Variants in GPR108 observed in about 807,000 individuals in gnomAD.
The protein encoded by GPR108 is G protein-coupled receptor 108.
In GPR108, 60 loss-of-function variants were observed where a neutral mutation model predicts 74.3. The ratio of observed to expected loss-of-function variants is 0.81; its 90% confidence interval spans 0.66 to 1.00. GPR108 has a LOEUF of 1.00. GPR108 is among the 50% of genes least tolerant of loss of function. GPR108 has a pLI of 0.00. For missense variants in GPR108, 667 were observed against 703.3 expected, an observed-to-expected ratio of 0.95 and a Z score of 0.58; for synonymous variants, 311 against 292.4, an observed-to-expected ratio of 1.06 and a Z score of -0.65.
In GPR108 at chr19:6,733,344, G is replaced by A. The variant is rs775239936; in HGVS notation, c.724-43C>T. 8.8e-6 allele frequency: 14 copies of A among 1,591,928 alleles called. 1 individual carries two copies. In the East Asian group the frequency reaches 1.6e-4, roughly 18 times the overall value. On this transcript the variant is annotated intron_variant, in intron 8 of 17. Coordinates refer to ENST00000264080, the MANE Select transcript of GPR108 (RefSeq NM_001080452.2). ...GTGGGCGGCGGCAGGGGCACAGCCC[G>A]ACCGCTGGCCTGGGAGAGCAGCGAG...
In GPR108 at chr19:6,731,266, T is replaced by C. The variant is rs1568235952; in HGVS notation, c.1367A>G (p.Tyr456Cys). 3.2e-6 allele frequency: 5 copies of C among 1,551,052 alleles called. No individual in the cohort carries two copies. Among genetic ancestry groups the C allele is most frequent in the African/African-American group, 1.4e-5 (1 of 73,084 alleles). Residue 456 changes from tyrosine to cysteine, a missense_variant, in exon 16 of 18, where the codon TAC becomes TGC. Physicochemically the swap from Tyr to Cys is radical, Grantham distance 194. Coordinates refer to ENST00000264080, the MANE Select transcript of GPR108 (RefSeq NM_001080452.2). ...HYYVMVICYV[Y>C]FTRIIAILLQ... ...CAGGATGGCGATGATGCGGGTGAAG[T>C]AGACGTAGCAGATGACCTGCAGGGG...
In GPR108 at chr19:6,732,128, T is replaced by C; in HGVS notation, c.1153A>G (p.Ile385Val). Residue 385 changes from isoleucine to valine, a missense_variant, in exon 13 of 18, where the codon ATC becomes GTC. Coordinates refer to ENST00000264080, the MANE Select transcript of GPR108 (RefSeq NM_001080452.2). Reference protein sequence around the residue: ...QVLANVAYIIIESREEGASDY... With the variant: ...QVLANVAYIIVESREEGASDY... ...CTGGCGCCTTCCTCGCGGGACTCGA[T>C]GATGATGTAGGCCACGTTGGCCAGG... 9 of 1,613,568 alleles carry C rather than the reference T, an allele frequency of 5.6e-6. No homozygotes were observed. The highest frequency in any genetic ancestry group is 7.6e-6 in the Non-Finnish European group (9 of 1,179,936).
rs778622249 is a variant in GPR108 at position 6,730,221 on chromosome 19, C to T, written c.*91G>A. On this transcript the variant is annotated 3_prime_UTR_variant, in exon 18 of 18. Transcript: ENST00000264080. ...AGCTGGGCGCCTGGTCCACATGGACCCCCTCCACCTCCCCACATACGCTGT... is the reference window on the plus strand; with the variant it reads ...AGCTGGGCGCCTGGTCCACATGGACTCCCTCCACCTCCCCACATACGCTGT... The T allele has an allele frequency of 7.2e-6, 9 of 1,257,922 alleles. No individual in the cohort carries two copies. The highest frequency in any genetic ancestry group is 2.4e-5 in the South Asian group (2 of 82,932). 77.9% of individuals were successfully genotyped at this position (1,257,922 alleles called of 1,614,324 possible).
chr19:6,733,575 T>G lies in GPR108; in HGVS notation c.718A>C (p.Ile240Leu). The change falls in exon 8 of 18, where the codon ATC becomes CTC. Residue 240 changes from isoleucine (I) to leucine (L), a missense_variant. Coordinates refer to ENST00000264080, the MANE Select transcript of GPR108 (RefSeq NM_001080452.2). ...SVPGKEHPFD[I>L]TVMIREKNPD... ...CTGCCCTCCACTCCGCTCACCGTGA[T>G]GTCGAATGGATGCTCCTTTCCTGGC... is the stretch of plus-strand genomic sequence containing the variant. 6.2e-7 allele frequency: 1 copy of G among 1,613,848 alleles called. No homozygotes were observed. The highest frequency in any genetic ancestry group is 8.5e-7 in the Non-Finnish European group (1 of 1,179,702).
Position 6,733,006 on chromosome 19 carries a change from A to C in GPR108, c.914T>G (p.Ile305Ser). Residue 305 changes from isoleucine to serine, a missense_variant, in exon 10 of 18, where the codon ATC (isoleucine) becomes AGC (serine). Transcript: ENST00000264080. The part of the protein sequence containing the change: ...LMAALAFTKS[I>S]SLLFHSINYY... ...TCTCACGCTGTGGAAGAGGAGAGAGATGCTCTTGGTGAAGGCCAAGGCCGC... is the reference window on the plus strand; with the variant it reads ...TCTCACGCTGTGGAAGAGGAGAGAGCTGCTCTTGGTGAAGGCCAAGGCCGC... 6.2e-7 allele frequency: 1 copy of C among 1,606,006 alleles called. No homozygotes were observed. Among genetic ancestry groups the C allele is most frequent in the Non-Finnish European group, 8.5e-7 (1 of 1,176,436 alleles).
intron 14 of GPR108, 77 bp downstream of exon 14, chr19:6,731,814 G>A (rs944361250): frequency 2.0e-6 from 3 of 1,531,668 alleles, no homozygotes; most frequent in Non-Finnish European, 2.7e-6. Flanking sequence ...GCCAGGAGGG[G>A]CATCCAAGGG....
rs779417303 is a variant in GPR108 at position 6,731,049 on chromosome 19, T to C, written c.1497A>G (p.Thr499=). The change falls in exon 17 of 18, where the codon ACA becomes ACG. Residue 499 remains threonine, a synonymous_variant. Coordinates refer to ENST00000264080, the MANE Select transcript of GPR108 (RefSeq NM_001080452.2). The stretch of plus-strand genomic sequence containing the variant: ...GCAGCTGCAGGTACGGGTTGTTTCC[T>C]GTGGGCTGGAACTTGTAGCCCGTGA... ...FVLTGYKFQP[T]GNNPYLQLPQ... 7.4e-6 allele frequency: 12 copies of C among 1,613,422 alleles called. No individual in the cohort carries two copies. The highest frequency in any genetic ancestry group is 1.3e-5 in the African/African-American group (1 of 74,848).
At position 6,734,307 on chromosome 19, in the gene GPR108, C is replaced by T. The variant is rs1483928850; in HGVS notation, c.375G>A (p.Gln125=). Residue 125 remains glutamine, a splice_region_variant and synonymous_variant, in exon 5 of 18, where the codon CAG becomes CAA. Transcript: ENST00000264080. ...VLFLINTKDL[Q]VQVRKYGEQK... ...GCTCTCCATACTTCCGCACCTGGAC[C>T]CTGGGGTGAGGGTGGGGTGGGGCAT... 1.2e-6 allele frequency: 2 copies of T among 1,612,980 alleles called. No homozygotes were observed. The highest frequency in any genetic ancestry group is 2.7e-5 in the African/African-American group (2 of 74,912).
At chr19:6,735,804 T>G in intron 3 of GPR108, 100 bp from the exon 4 acceptor site, 2 of 1,524,206 alleles carry the variant, frequency 1.3e-6, no homozygotes, top group East Asian at 2.3e-5. Context: ...TTCCTGCTCC[T>G]GCCTCTGACA....
chr19:6,729,915 T>C lies in GPR108; in HGVS notation c.*397A>G, dbSNP rs1390601591. 1.0e-5 allele frequency: 2 copies of C among 191,864 alleles called. No individual in the cohort carries two copies. The highest frequency in any genetic ancestry group is 1.6e-4 in the East Asian group (1 of 6,422). 11.9% of individuals were successfully genotyped at this position (191,864 alleles called of 1,614,324 possible). A position where few individuals can be genotyped will look rare whatever the true frequency, so the allele number is the denominator to read the frequency against. On this transcript the variant is annotated 3_prime_UTR_variant, in exon 18 of 18. Transcript: ENST00000264080. Reference sequence around the variant, plus strand: ...GGCTTTGGGCCCTGCATGCAGCGGTTACTGAATGAATATTTATTGAATATA... The same window carrying C: ...GGCTTTGGGCCCTGCATGCAGCGGTCACTGAATGAATATTTATTGAATATA...
chr19:6,730,985 A>AC lies in GPR108; in HGVS notation c.1559+1dup, dbSNP rs1381785204. Reference sequence around the variant, plus strand: ...CGGCCCTGCCCATGGTGCCCAGCTCACACTTGCTCCATCTGAACATCCTCC... The same window carrying AC: ...CGGCCCTGCCCATGGTGCCCAGCTCACCACTTGCTCCATCTGAACATCCTCC... On this transcript the variant is annotated splice_donor_variant, in intron 17 of 17. Coordinates refer to ENST00000264080, the MANE Select transcript of GPR108 (RefSeq NM_001080452.2). LOFTEE classifies it high-confidence loss of function. 19 of 1,555,464 alleles carry AC rather than the reference A, an allele frequency of 1.2e-5. No individual in the cohort carries two copies. The highest frequency in any genetic ancestry group is 1.7e-5 in the Non-Finnish European group (19 of 1,151,362).
chr19:6,732,828 C>T (rs1393354431), intron 10 of GPR108, 159 bp downstream of exon 10: 2 of 680,160 alleles, frequency 2.9e-6, no homozygotes, highest in African/African-American at 3.6e-5. Context: ...GACTGGTGGA[C>T]AGAGGGGATG....
In GPR108 at chr19:6,729,928, T is replaced by A; in HGVS notation, c.*384A>T. On this transcript the variant is annotated 3_prime_UTR_variant, in exon 18 of 18. Coordinates refer to ENST00000264080, the MANE Select transcript of GPR108 (RefSeq NM_001080452.2). ...GCATGCAGCGGTTACTGAATGAATA[T>A]TTATTGAATATACAAAGACACGGAC... 4.9e-6 allele frequency: 1 copy of A among 202,738 alleles called. No individual in the cohort carries two copies. Among genetic ancestry groups the A allele is most frequent in the Non-Finnish European group, 1.0e-5 (1 of 98,542 alleles). The allele number at this position is 202,738 out of a possible 1,614,324, so 12.6% of individuals were successfully genotyped here. A position where few individuals can be genotyped will look rare whatever the true frequency, so the allele number is the denominator to read the frequency against.
Position 6,735,934 on chromosome 19 carries a change from G to T in GPR108, c.265C>A (p.Arg89=). 1 of 1,610,942 alleles carries T rather than the reference G, an allele frequency of 6.2e-7. No homozygotes were observed. The highest frequency in any genetic ancestry group is 8.5e-7 in the Non-Finnish European group (1 of 1,178,432). Residue 89 remains arginine, a synonymous_variant, in exon 3 of 18, where the codon CGG becomes AGG. Transcript: ENST00000264080. The stretch of plus-strand genomic sequence containing the variant: ...GAATAGGAGCGAACTCTGCCAGACC[G>T]AACCCGGCTGAGACTGAACCCCACC... ...LLVGFSLSRV[R]SGRVRSYSTR...
intron 1 of GPR108, chr19:6,737,076 C>T: frequency 2.6e-6 from 1 of 386,852 alleles, no homozygotes; most frequent in Non-Finnish European, 4.8e-6. Context: ...CCCCCAAATC[C>T]CATTAAGTGC....
In GPR108 at chr19:6,736,589, C is replaced by A; in HGVS notation, c.240+3G>T. The A allele has an allele frequency of 1.2e-6, 2 of 1,613,236 alleles. No individual in the cohort carries two copies. The highest frequency in any genetic ancestry group is 2.2e-5 in the East Asian group (1 of 44,838). ...CTCCAGCAAACTCCTCAAGGTCCCT[C>A]ACCAGCAGGGACTTCTCTTCTGCCT... On this transcript the variant is annotated splice_donor_region_variant and intron_variant, in intron 2 of 17. Transcript: ENST00000264080.
intron 8 of GPR108, 41 bp downstream of exon 8, chr19:6,733,529 A>C: frequency 6.3e-7 from 1 of 1,575,926 alleles, no homozygotes. Context: ...AGTGGCCTGC[A>C]GGGGGCGCTC....
chr19:6,731,240 G>C lies in GPR108; in HGVS notation c.1393C>G (p.Leu465Val), dbSNP rs1471532187. The change falls in exon 16 of 18, where the codon CTG becomes GTG. Residue 465 changes from leucine to valine, a missense_variant. Leu to Val is a conservative substitution (Grantham distance 32). Transcript: ENST00000264080. ...CACTGAAAGGGCACAGCCACCTGCAGCAGGATGGCGATGATGCGGGTGAAG... is the reference window on the plus strand; with the variant it reads ...CACTGAAAGGGCACAGCCACCTGCACCAGGATGGCGATGATGCGGGTGAAG... ...VYFTRIIAIL[L>V]QVAVPFQWQW... 6.4e-7 allele frequency: 1 copy of C among 1,563,954 alleles called. No individual in the cohort carries two copies. Among genetic ancestry groups the C allele is most frequent in the African/African-American group, 1.4e-5 (1 of 73,680 alleles).
At chr19:6,731,650 G>A in intron 14 of GPR108, 128 bp from the exon 15 acceptor site, 1 of 903,318 alleles carries the variant, frequency 1.1e-6, no homozygotes, top group South Asian at 1.7e-5. Flanking sequence ...AGTCTCGAGG[G>A]GACATTAGGT....
Sources: allele counts gnomAD v4.1 joint callset, GRCh38; gene constraint gnomAD v4.1.1; transcripts MANE v1.5; gene names NCBI Gene and HGNC (gene_info 2026-07-23, HGNC 2026-07-21).